Variants in CPEB4 observed in about 807,000 individuals in gnomAD.
The protein encoded by CPEB4 is cytoplasmic polyadenylation element-binding protein 4.
Under a neutral mutation model 72.5 loss-of-function variants are expected in CPEB4, and 12 were observed. The observed-to-expected ratio is 0.17, with a 90% confidence interval of 0.11 to 0.27. The LOEUF is 0.27. Ranked by LOEUF, CPEB4 falls within the 10% of genes least tolerant of loss-of-function variation. The pLI, the probability that CPEB4 is intolerant of heterozygous loss-of-function variation, is 1.00. For missense variants in CPEB4, 614 were observed against 908.5 expected (o/e 0.68, Z 4.17); for synonymous variants, 302 against 326.3 (o/e 0.93, Z 0.80).
intron 3 of CPEB4, among the ~76,000 whole-genome samples, chr5:173,932,912 T>C (rs952183079): frequency 6.6e-6 from 1 of 152,182 alleles, no homozygotes; most frequent in African/African-American, 2.4e-5. Flanking sequence ...TGACATTGCA[T>C]AGGACAAGGT....
intron 2 of CPEB4, among the ~76,000 whole-genome samples, chr5:173,924,336 G>A (rs1258535634): frequency 2.0e-5 from 3 of 152,126 alleles, no homozygotes; most frequent in Non-Finnish European, 2.9e-5. Flanking sequence ...GAAAGTAAGG[G>A]GTTAGGTTTT....
intron 5 of CPEB4, among the ~76,000 whole-genome samples, chr5:173,948,658 A>C (rs1264071233): frequency 6.6e-6 from 1 of 152,240 alleles, no homozygotes; most frequent in Admixed American, 6.5e-5. Context: ...GCTATAAAAA[A>C]ATAACAGACT....
At chr5:173,954,236 G>A (rs1488423133) in intron 9 of CPEB4, among the ~76,000 whole-genome samples, 1 of 152,118 alleles carries the variant, frequency 6.6e-6, no homozygotes, top group Non-Finnish European at 1.5e-5. Context: ...TATGTTTCAT[G>A]TCATGTACAG....
chr5:173,950,209 T>C lies in CPEB4; in HGVS notation c.1665+131T>C. The C allele has an allele frequency of 1.8e-6, 1 of 566,856 alleles. No homozygotes were observed. Among genetic ancestry groups the C allele is most frequent in the South Asian group, 2.6e-5 (1 of 37,800 alleles). The allele number at this position is 566,856 out of a possible 1,614,324, so 35.1% of individuals were successfully genotyped here. On this transcript the variant is annotated intron_variant, in intron 7 of 9. Transcript: ENST00000265085. The surrounding 1 kb of genome is among the most constrained non-coding windows in gnomAD (Gnocchi z 5.0). ...ATGTTTGTAAGCAGACTAAGTAGTCTTGTTGTGAAGTTCTTAACATTGACA... is the reference window on the plus strand; with the variant it reads ...ATGTTTGTAAGCAGACTAAGTAGTCCTGTTGTGAAGTTCTTAACATTGACA...
In CPEB4 at chr5:173,900,361, C is replaced by T. The variant is rs533503427; in HGVS notation, c.1125+9503C>T. 5.3e-5 allele frequency among the ~76,000 whole-genome samples: 8 copies of T among 151,916 alleles called. No homozygotes were observed. Among genetic ancestry groups the T allele is most frequent in the East Asian group, 1.9e-4 (1 of 5,156 alleles). On this transcript the variant is annotated intron_variant, in intron 1 of 9. Transcript: ENST00000265085. This position sits in a 1 kb window ranked among gnomAD's most constrained non-coding sequence, Gnocchi z 4.4. ...CAGAGGTTGCAGTGAGCCGAGATCG[C>T]GCCATTGCACTCCAGCCTGGACAAC... is the stretch of plus-strand genomic sequence containing the variant.
intron 1 of CPEB4, among the ~76,000 whole-genome samples, chr5:173,906,493 T>C (rs146079569): frequency 1.3e-4 from 20 of 152,358 alleles, no homozygotes; most frequent in African/African-American, 4.3e-4. Flanking sequence ...TAAACTATAC[T>C]TGCTAATAAG....
intron 2 of CPEB4, among the ~76,000 whole-genome samples, chr5:173,927,019 C>T (rs569556271): frequency 9.9e-5 from 15 of 152,168 alleles, no homozygotes; most frequent in Admixed American, 2.0e-4. Context: ...CGCATGATGG[C>T]GGGTGCCAGT....
intron 3 of CPEB4, among the ~76,000 whole-genome samples, chr5:173,932,981 T>C (rs1454362453): frequency 2.6e-5 from 4 of 152,342 alleles, no homozygotes; most frequent in Admixed American, 6.5e-5. Flanking sequence ...GGCTTTCCAG[T>C]GTCTTCATTA....
chr5:173,921,925 C>A (rs577187234), intron 2 of CPEB4, among the ~76,000 whole-genome samples: 7 of 152,126 alleles, frequency 4.6e-5, no homozygotes, highest in Admixed American at 1.3e-4. Flanking sequence ...TATTCAGTGC[C>A]CCTTCTGAGA....
chr5:173,921,680 T>C (rs1757078742), intron 2 of CPEB4, among the ~76,000 whole-genome samples: 1 of 152,238 alleles, frequency 6.6e-6, no homozygotes, highest in African/African-American at 2.4e-5. Flanking sequence ...GGGAGGCAAG[T>C]GCTACTAAAG....
intron 2 of CPEB4, among the ~76,000 whole-genome samples, chr5:173,929,064 A>G (rs562163993): frequency 7.7e-4 from 118 of 152,358 alleles, no homozygotes; most frequent in African/African-American, 2.6e-3. Flanking sequence ...AAAATTAAAA[A>G]CAAGTATCAC....
chr5:173,930,913 C>G (rs905533095), intron 2 of CPEB4, among the ~76,000 whole-genome samples: 2 of 149,344 alleles, frequency 1.3e-5, no homozygotes, highest in Non-Finnish European at 3.0e-5. Flanking sequence ...GAGGCGTGAA[C>G]CTGGGAGACG....
In CPEB4 at chr5:173,888,352, C is replaced by G. The variant is rs746978132; in HGVS notation, c.-1382C>G. 6 of 404,764 alleles carry G rather than the reference C, an allele frequency of 1.5e-5. No homozygotes were observed. The highest frequency in any genetic ancestry group is 2.6e-5 in the Non-Finnish European group (6 of 229,960). The allele number at this position is 404,764 out of a possible 1,614,324, so 25.1% of individuals were successfully genotyped here. A position where few individuals can be genotyped will look rare whatever the true frequency, so the allele number is the denominator to read the frequency against. On this transcript the variant is annotated 5_prime_UTR_variant, in exon 1 of 10. Transcript: ENST00000265085. This position sits in a 1 kb window ranked among gnomAD's most constrained non-coding sequence, Gnocchi z 4.3. The stretch of plus-strand genomic sequence containing the variant: ...CTTTCCAGCTGGTTGTCATTTCACT[C>G]GGCTCGGTCCTGAGGAGAAGGACTC...
intron 1 of CPEB4, among the ~76,000 whole-genome samples, chr5:173,910,212 T>G (rs932484033): frequency 1.3e-5 from 2 of 152,122 alleles, no homozygotes; most frequent in African/African-American, 4.8e-5. Flanking sequence ...GAAAGAATTT[T>G]TTTTTTTTAC....
intron 1 of CPEB4, among the ~76,000 whole-genome samples, chr5:173,894,550 G>A (rs1023264333): frequency 6.6e-6 from 1 of 151,184 alleles, no homozygotes; most frequent in Non-Finnish European, 1.5e-5. Context: ...GATCCCAGGA[G>A]GTGGAGGTTG....
At chr5:173,922,791 T>C (rs1757118591) in intron 2 of CPEB4, among the ~76,000 whole-genome samples, 1 of 152,236 alleles carries the variant, frequency 6.6e-6, no homozygotes, top group Non-Finnish European at 1.5e-5. Flanking sequence ...TTGCGCTGCT[T>C]TGGATGTATA....
chr5:173,949,161 TA>T (rs1030895884), intron 5 of CPEB4, among the ~76,000 whole-genome samples: 48 of 152,240 alleles, frequency 3.2e-4, no homozygotes, highest in African/African-American at 1.1e-3. Context: ...ATAGTAGTGT[TA>T]TATCAAAATT....
chr5:173,953,389 T>A, intron 9 of CPEB4, 117 bp downstream of exon 9: 1 of 733,908 alleles, frequency 1.4e-6, no homozygotes, highest in Non-Finnish European at 2.2e-6. Flanking sequence ...ATTTTGCCTA[T>A]AGAGTTAATT....
At chr5:173,953,656 T>C (rs1758282117) in intron 9 of CPEB4, among the ~76,000 whole-genome samples, 1 of 152,170 alleles carries the variant, frequency 6.6e-6, no homozygotes, top group Non-Finnish European at 1.5e-5. Context: ...TTTTTGTTTG[T>C]TTTTTAATCC....
Sources: allele counts gnomAD v4.1 joint callset (sites outside exome capture counted in the v4.1 genomes callset), GRCh38; gene constraint gnomAD v4.1.1; non-coding constraint Gnocchi (gnomAD v3.1); transcripts MANE v1.5; gene names NCBI Gene and HGNC (gene_info 2026-07-23, HGNC 2026-07-21).